The following NFIB variants were observed in gnomAD, a reference collection of about 807,000 sequenced individuals.
NFIB encodes nuclear factor I B, also known as nuclear factor 1 B-type.
Under a neutral mutation model 61.5 loss-of-function variants are expected in NFIB, and 11 were observed. The observed-to-expected ratio is 0.18, with a 90% CI of 0.11 to 0.30. The LOEUF is 0.30. Ranked by LOEUF, NFIB falls within the 10% of genes least tolerant of loss-of-function variation. The probability of loss-of-function intolerance (pLI) is 1.00; values close to 1 mark genes in which losing one functional copy is unlikely to be tolerated. For synonymous variants in NFIB, 260 were observed against 216.5 expected, an observed-to-expected ratio of 1.20 and a Z score of -1.76; for missense variants, 471 against 608.9, an observed-to-expected ratio of 0.77 and a Z score of 2.38.
At chr9:14,391,868 T>C (rs914991880) in intron 1 of NFIB, among the ~76,000 whole-genome samples, 4 of 152,176 alleles carry the variant, frequency 2.6e-5, no homozygotes, top group Non-Finnish European at 5.9e-5. Context: ...TCTAAAACTT[T>C]TGAATAAACG....
chr9:14,273,478 T>A (rs1372646023), intron 2 of NFIB, among the ~76,000 whole-genome samples: 1 of 152,132 alleles, frequency 6.6e-6, no homozygotes, highest in Non-Finnish European at 1.5e-5. Context: ...TAAATCTGAC[T>A]GTGGAGTACC....
chr9:14,142,201 G>A (rs2041808644), intron 6 of NFIB, among the ~76,000 whole-genome samples: 1 of 152,164 alleles, frequency 6.6e-6, no homozygotes, highest in African/African-American at 2.4e-5. Context: ...ACGTGACATG[G>A]GAGGAACCTG....
At chr9:14,209,721 G>GCTAATTTA (rs2050114987) in intron 2 of NFIB, among the ~76,000 whole-genome samples, 1 of 152,200 alleles carries the variant, frequency 6.6e-6, no homozygotes, top group African/African-American at 2.4e-5. Flanking sequence ...GCACTGAAAA[G>GCTAATTTA]CTAATTTACT....
intron 2 of NFIB, among the ~76,000 whole-genome samples, chr9:14,226,983 CA>C (rs112417105): frequency 6.6e-6 from 1 of 150,730 alleles, no homozygotes; most frequent in Admixed American, 6.6e-5. Flanking sequence ...CTAATAAATA[CA>C]AAAAAAATTA....
chr9:14,437,691 G>A, the NFIB span, among the ~76,000 whole-genome samples: 5 of 152,146 alleles, frequency 3.3e-5, no homozygotes, highest in East Asian at 7.7e-4. Flanking sequence ...GGACCGGAGG[G>A]GGTCCCCCAC....
chr9:14,289,572 C>G (rs1238841931), intron 2 of NFIB, among the ~76,000 whole-genome samples: 3 of 151,818 alleles, frequency 2.0e-5, no homozygotes, highest in Middle Eastern at 3.4e-3. Flanking sequence ...TACACACACA[C>G]ACATATAAAT....
the NFIB span, among the ~76,000 whole-genome samples, chr9:14,438,034 G>T: frequency 6.7e-6 from 1 of 148,866 alleles, no homozygotes; most frequent in African/African-American, 2.5e-5. Context: ...GTGTGTGCGC[G>T]TATGTGCGTG....
chr9:14,481,197 G>GTGTGTGTATATATATATA, the NFIB span, among the ~76,000 whole-genome samples: 1 of 45,844 alleles, frequency 2.2e-5, no homozygotes, highest in African/African-American at 9.4e-5. Context: ...GTGTGTGTGT[G>GTGTGTGTATATATATATA]TATATATATA....
chr9:14,243,385 A>G (rs2054547654), intron 2 of NFIB, among the ~76,000 whole-genome samples: 1 of 152,192 alleles, frequency 6.6e-6, no homozygotes, highest in African/African-American at 2.4e-5. Flanking sequence ...TGTGATTCCA[A>G]AACAAATCTG....
chr9:14,268,487 C>T (rs573940336), intron 2 of NFIB, among the ~76,000 whole-genome samples: 1 of 152,298 alleles, frequency 6.6e-6, no homozygotes, highest in South Asian at 2.1e-4. Flanking sequence ...TTCCCCATCC[C>T]CAATGACTTA....
chr9:14,445,052 C>T, the NFIB span, among the ~76,000 whole-genome samples: 3 of 152,050 alleles, frequency 2.0e-5, no homozygotes, highest in African/African-American at 2.4e-5. Context: ...TTGTGAGCTT[C>T]GTCCATGTTG....
chr9:14,154,550 C>T (rs954408910), intron 4 of NFIB, among the ~76,000 whole-genome samples: 2 of 152,108 alleles, frequency 1.3e-5, no homozygotes, highest in Admixed American at 6.6e-5. Flanking sequence ...TTAAGGTACA[C>T]TGCCTTGGAC....
chr9:14,323,370 G>C (rs988881050), intron 1 of NFIB, among the ~76,000 whole-genome samples: 28 of 152,068 alleles, frequency 1.8e-4, no homozygotes, highest in African/African-American at 6.3e-4. Flanking sequence ...TATGTAGGGG[G>C]ATTTTTTTTT....
At chr9:14,280,303 T>C (rs966729370) in intron 2 of NFIB, among the ~76,000 whole-genome samples, 2 of 152,178 alleles carry the variant, frequency 1.3e-5, no homozygotes, top group East Asian at 3.9e-4. Context: ...AAGGAGATAC[T>C]AATAGATCTT....
At chr9:14,318,668 A>G (rs1472194505), upstream of NFIB, among the ~76,000 whole-genome samples, 1 of 152,142 alleles carries the variant, frequency 6.6e-6, no homozygotes, top group Admixed American at 6.5e-5. Flanking sequence ...CAAAACTGCA[A>G]GTATCTACTG....
upstream of NFIB, among the ~76,000 whole-genome samples, chr9:14,316,326 C>G (rs749047533): frequency 1.6e-4 from 25 of 152,184 alleles, no homozygotes; most frequent in Non-Finnish European, 2.6e-4. Context: ...AACCCAGAGC[C>G]CAAAGAAGAA....
Position 14,116,284 on chromosome 9 carries a change from G to C in NFIB, c.1308C>G (p.Pro436=). Residue 436 remains proline, a synonymous_variant, in exon 9 of 11, where the codon CCC becomes CCG. Coordinates refer to ENST00000380953, the MANE Select transcript of NFIB (RefSeq NM_001190737.2). ...GTCGCACTGCACTGGGATGGGGAGAGGGTGCCAAGACAGGAGTGAAATGGC... is the reference window on the plus strand; with the variant it reads ...GTCGCACTGCACTGGGATGGGGAGACGGTGCCAAGACAGGAGTGAAATGGC... The part of the protein sequence containing the change: ...VPGHFTPVLA[P]SPHPSAVRPV... 2 of 1,538,894 alleles carry C rather than the reference G, an allele frequency of 1.3e-6. No homozygotes were observed. The highest frequency in any genetic ancestry group is 2.4e-5 in the South Asian group (2 of 81,836).
chr9:14,169,646 C>A (rs1352943789), intron 3 of NFIB, among the ~76,000 whole-genome samples: 1 of 152,140 alleles, frequency 6.6e-6, no homozygotes, highest in Admixed American at 6.5e-5. Context: ...CATGGCGAAA[C>A]CCCACTTCTC....
At chr9:14,388,787 T>C (rs2061585901) in intron 1 of NFIB, among the ~76,000 whole-genome samples, 1 of 152,170 alleles carries the variant, frequency 6.6e-6, no homozygotes, top group African/African-American at 2.4e-5. Flanking sequence ...AATGTGGCAA[T>C]AAGTTTATGT....
Sources: allele counts gnomAD v4.1 joint callset (sites outside exome capture counted in the v4.1 genomes callset), GRCh38; gene constraint gnomAD v4.1.1; transcripts MANE v1.5; gene names NCBI Gene and HGNC (gene_info 2026-07-23, HGNC 2026-07-21).